MYO9A: variants seen among roughly 807,000 people sequenced by gnomAD.
MYO9A encodes myosin IXA.
In MYO9A, 103 loss-of-function variants were observed where a neutral mutation model predicts 293.3. The ratio of observed to expected loss-of-function variants is 0.35; its 90% CI spans 0.30 to 0.41. The LOEUF (loss-of-function observed/expected upper bound fraction) is 0.41. Ranked by LOEUF, MYO9A falls within the 10% of genes least tolerant of loss-of-function variation. The probability of loss-of-function intolerance (pLI) is 1.00; values close to 1 mark genes in which losing one functional copy is unlikely to be tolerated. For missense variants in MYO9A, 2,685 were observed against 3,033.0 expected, an observed-to-expected ratio of 0.89 and a Z score of 2.69; for synonymous variants, 1,001 against 1,035.7, an observed-to-expected ratio of 0.97 and a Z score of 0.64.
chr15:71,963,138 C>T (rs917593024), intron 13 of MYO9A, among the ~76,000 whole-genome samples: 1 of 152,130 alleles, frequency 6.6e-6, no homozygotes, highest in Non-Finnish European at 1.5e-5. Context: ...GGCTGGAGTG[C>T]AGTGGCACCA....
chr15:71,972,079 G>T (rs1395917972), intron 12 of MYO9A: 1 of 152,160 alleles, frequency 6.6e-6, no homozygotes, highest in Non-Finnish European at 1.5e-5. Context: ...GAAGAATCTG[G>T]ACAGACAGGC....
At chr15:71,883,278 A>C (rs1269465998) in intron 28 of MYO9A, among the ~76,000 whole-genome samples, 1 of 152,210 alleles carries the variant, frequency 6.6e-6, no homozygotes, top group Non-Finnish European at 1.5e-5. Context: ...AGTTATAACC[A>C]GTAATACATA....
At chr15:71,869,661 A>G (rs1323999682) in intron 32 of MYO9A, among the ~76,000 whole-genome samples, 9 of 152,186 alleles carry the variant, frequency 5.9e-5, no homozygotes, top group Admixed American at 5.9e-4. Context: ...TCAAACAAAA[A>G]GAAGGGGAGA....
At chr15:71,927,609 G>A (rs1427912569) in intron 18 of MYO9A, among the ~76,000 whole-genome samples, 1 of 152,126 alleles carries the variant, frequency 6.6e-6, no homozygotes, top group Non-Finnish European at 1.5e-5. Flanking sequence ...GGTGGATTTT[G>A]CATCTCACAA....
At chr15:72,003,246 G>T (rs2076920368) in intron 8 of MYO9A, among the ~76,000 whole-genome samples, 1 of 143,994 alleles carries the variant, frequency 6.9e-6, no homozygotes, top group Non-Finnish European at 1.5e-5. Flanking sequence ...TGTAGCCTGG[G>T]CAACAAGAGC....
chr15:72,056,956 A>G (rs748454912), intron 1 of MYO9A, among the ~76,000 whole-genome samples: 1 of 152,214 alleles, frequency 6.6e-6, no homozygotes, highest in Non-Finnish European at 1.5e-5. Context: ...CTAAAAGTAC[A>G]AAAATTAGCC....
chr15:71,915,820 A>G (rs1011633533), intron 19 of MYO9A, among the ~76,000 whole-genome samples: 16 of 152,186 alleles, frequency 1.1e-4, no homozygotes. Flanking sequence ...CTTAGGAGAT[A>G]GATGATTTGA....
At chr15:71,878,320 T>C in intron 30 of MYO9A, 89 bp from the exon 31 acceptor site, 2 of 900,740 alleles carry the variant, frequency 2.2e-6, no homozygotes, top group East Asian at 3.0e-5. Flanking sequence ...GGGTAGTATT[T>C]AGAATAAAGA....
intron 32 of MYO9A, among the ~76,000 whole-genome samples, chr15:71,874,167 CAGAT>C (rs1182615327): frequency 6.6e-6 from 1 of 152,110 alleles, no homozygotes; most frequent in Non-Finnish European, 1.5e-5. Context: ...ACTTCTAACA[CAGAT>C]AGTGGAAAAG....
At chr15:72,094,081 G>A (rs542686594) in intron 1 of MYO9A, among the ~76,000 whole-genome samples, 2 of 90,158 alleles carry the variant, frequency 2.2e-5, no homozygotes, top group African/African-American at 2.6e-5. Flanking sequence ...ACGGTGGCTC[G>A]TAGCTATAAT....
intron 15 of MYO9A, among the ~76,000 whole-genome samples, chr15:71,939,509 T>C (rs2058719751): frequency 1.3e-5 from 2 of 152,208 alleles, no homozygotes; most frequent in South Asian, 2.1e-4. Flanking sequence ...TCCAGCTCCA[T>C]CCATGTTCCC....
intron 1 of MYO9A, among the ~76,000 whole-genome samples, chr15:72,073,656 A>C (rs1279222627): frequency 6.6e-6 from 1 of 152,226 alleles, no homozygotes; most frequent in African/African-American, 2.4e-5. Context: ...AAAAACAGAA[A>C]CCTAGCACTG....
At chr15:72,101,834 G>C (rs1235253094) in intron 1 of MYO9A, among the ~76,000 whole-genome samples, 1 of 149,456 alleles carries the variant, frequency 6.7e-6, no homozygotes, top group East Asian at 2.0e-4. Context: ...TCAGCCCCCC[G>C]CCCGGCCAGC....
At chr15:72,005,706 G>A (rs1009373478) in intron 8 of MYO9A, among the ~76,000 whole-genome samples, 18 of 152,136 alleles carry the variant, frequency 1.2e-4, no homozygotes, top group African/African-American at 3.9e-4. Flanking sequence ...AAAAATAAAC[G>A]CTGGGTGGTT....
chr15:72,009,039 CTT>C (rs2077098742), intron 7 of MYO9A, among the ~76,000 whole-genome samples: 2 of 151,986 alleles, frequency 1.3e-5, no homozygotes, highest in South Asian at 4.1e-4. Context: ...GTTTTTAAAT[CTT>C]TGAATCATTC....
intron 39 of MYO9A, among the ~76,000 whole-genome samples, chr15:71,834,669 T>C (rs1440522990): frequency 6.6e-6 from 1 of 151,198 alleles, no homozygotes; most frequent in African/African-American, 2.4e-5. Context: ...TCCACCTACA[T>C]GAAGCACTGA....
At chr15:71,931,025 T>C (rs1013714237) in intron 18 of MYO9A, among the ~76,000 whole-genome samples, 1 of 152,224 alleles carries the variant, frequency 6.6e-6, no homozygotes, top group Non-Finnish European at 1.5e-5. Context: ...ATAATTTGTG[T>C]CCCTTCACAA....
At position 71,978,196 on chromosome 15, in the gene MYO9A, G is replaced by A; in HGVS notation, c.1819C>T (p.Leu607Phe). Reference protein sequence around the residue: ...NLISKKPTGLLHLLDEESNFP... With the variant: ...NLISKKPTGLFHLLDEESNFP... Reference sequence around the variant, plus strand: ...TTGCTTTCTTCATCCAAAAGATGAAGCAGTCCTGTTGGTTTTTTGCTAATA... The same window carrying A: ...TTGCTTTCTTCATCCAAAAGATGAAACAGTCCTGTTGGTTTTTTGCTAATA... The change falls in exon 12 of 42, where the codon CTT (leucine) becomes TTT (phenylalanine). Residue 607 changes from leucine to phenylalanine, a missense_variant. Leu to Phe is a conservative substitution (Grantham distance 22). Transcript: ENST00000356056. The A allele has an allele frequency of 1.2e-6, 2 of 1,612,692 alleles. No individual in the cohort carries two copies. Among genetic ancestry groups the A allele is most frequent in the Non-Finnish European group, 1.7e-6 (2 of 1,179,554 alleles).
At position 71,883,611 on chromosome 15, in the gene MYO9A, G is replaced by T. The variant is rs2056938143; in HGVS notation, c.5381C>A (p.Ala1794Asp). Residue 1794 changes from alanine to aspartate, a missense_variant, in exon 28 of 42, where the codon GCT becomes GAT. By Grantham distance (126) the Ala-to-Asp change is moderately radical. This residue lies in a region of MYO9A where 1,434 missense variants were observed against 1,497.7 expected (regional missense o/e 0.96). Transcript: ENST00000356056. ...ACTTTTACCATCTGGAAACTGATGA[G>T]CTGGAATCACATCTGTGCCTGCAAA... ...PLFAGTDVIP[A>D]HQFPDELAAY... is the part of the protein sequence containing the mutation. 6.2e-7 allele frequency: 1 copy of T among 1,612,728 alleles called. No individual in the cohort carries two copies. Among genetic ancestry groups the T allele is most frequent in the Non-Finnish European group, 8.5e-7 (1 of 1,179,566 alleles).
Sources: gnomAD v4.1 joint callset for allele counts (sites outside exome capture counted in the v4.1 genomes callset) on GRCh38, gnomAD v4.1.1 for gene constraint, gnomAD v4.1.1 regional missense constraint, MANE v1.5 for transcripts, NCBI Gene and HGNC (gene_info 2026-07-23, HGNC 2026-07-21) for gene names.